NT5DC4: variants seen among roughly 807,000 people sequenced by gnomAD.
NT5DC4 encodes 5'-nucleotidase domain containing 4.
Under a neutral mutation model 26.6 loss-of-function variants are expected in NT5DC4, and 44 were observed. The observed-to-expected ratio is 1.65, with a 90% CI of 1.30 to 2.13. NT5DC4 has a LOEUF of 2.13. Ranked by LOEUF, NT5DC4 falls within the 30% of genes most tolerant of loss-of-function variation. The probability of loss-of-function intolerance (pLI) is 0.00; values close to 1 mark genes in which losing one functional copy is unlikely to be tolerated. For missense variants in NT5DC4, 399 were observed against 228.1 expected (o/e 1.75, Z -4.83); for synonymous variants, 157 against 86.7 (o/e 1.81, Z -4.51).
At chr2:112,722,162 C>T in intron 3 of NT5DC4, 21 bp from the exon 4 acceptor site, 1 of 581,722 alleles carries the variant, frequency 1.7e-6, no homozygotes, top group Non-Finnish European at 3.1e-6. Context: ...CCCACAGTGC[C>T]CCCCGACCCC....
intron 16 of NT5DC4, 116 bp from the exon 17 acceptor site, chr2:112,738,797 C>G (rs752907268): frequency 1.4e-6 from 2 of 1,474,932 alleles, no homozygotes; most frequent in Non-Finnish European, 1.9e-6. Flanking sequence ...TTCTGAAACA[C>G]CTTTTTTAAA....
downstream of NT5DC4, chr2:112,740,800 G>C (rs1358272934): frequency 1.3e-6 from 2 of 1,587,184 alleles, no homozygotes; most frequent in African/African-American, 2.7e-5. Context: ...CACAAAGTCT[G>C]CTTTAGAGTT....
chr2:112,734,968 G>A (rs760365729), intron 16 of NT5DC4, among the ~76,000 whole-genome samples: 1 of 151,790 alleles, frequency 6.6e-6, no homozygotes, highest in African/African-American at 2.4e-5. Flanking sequence ...GGGATTATAG[G>A]CGTGAGCCAC....
rs1677079583 is a variant in NT5DC4, at chr2:112,722,770, A to G, written c.526A>G (p.Asn176Asp). ...DFFSGCSRYT[N>D]CDTGYQHGNL... ...CTTCTCTGGCTGCTCCCGTTACACT[A>G]AGTGCGTCTTGTGCCCTGCCCAGCC... Residue 176 changes from asparagine (N) to aspartate (D), a missense_variant and splice_region_variant, in exon 6 of 17, where the codon AAT (asparagine) becomes GAT (aspartate). By Grantham distance (23) the Asn-to-Asp change is conservative. Coordinates refer to ENST00000688554, the MANE Select transcript of NT5DC4 (RefSeq NM_001393655.1). 1.4e-6 allele frequency: 1 copy of G among 717,528 alleles called. No individual in the cohort carries two copies. The highest frequency in any genetic ancestry group is 2.7e-5 in the East Asian group (1 of 37,258). The allele number at this position is 717,528 out of a possible 1,614,324, so 44.4% of individuals were successfully genotyped here.
At chr2:112,726,589 C>G in intron 14 of NT5DC4, 89 bp from the exon 15 acceptor site, 1 of 713,424 alleles carries the variant, frequency 1.4e-6, no homozygotes, top group Non-Finnish European at 2.6e-6. Flanking sequence ...GGTGTCCCCC[C>G]ACCCGACCCC....
At chr2:112,734,595 C>T (rs1467762938) in intron 16 of NT5DC4, among the ~76,000 whole-genome samples, 1 of 152,218 alleles carries the variant, frequency 6.6e-6, no homozygotes, top group Admixed American at 6.5e-5. Context: ...CCAAGTTTGG[C>T]TTTGCCAGGA....
chr2:112,727,947 G>C (rs1298045830), intron 15 of NT5DC4, among the ~76,000 whole-genome samples: 1 of 152,256 alleles, frequency 6.6e-6, no homozygotes, highest in Non-Finnish European at 1.5e-5. Flanking sequence ...TTCCGAGTGA[G>C]CTCAGCTCTC....
At chr2:112,719,979 TTTCTTTCTTTTTC>T (rs1294043695), upstream of NT5DC4, among the ~76,000 whole-genome samples, 26 of 125,672 alleles carry the variant, frequency 2.1e-4, no homozygotes, top group African/African-American at 7.4e-4. Flanking sequence ...TCTTTCTTTC[TTTCTTTCTTTTTC>T]TTTTCTTTTC....
At chr2:112,719,918 T>TTC (rs1173239544), upstream of NT5DC4, among the ~76,000 whole-genome samples, 63 of 105,002 alleles carry the variant, frequency 6.0e-4, no homozygotes, top group African/African-American at 2.3e-3. Flanking sequence ...CTTTCTTTCT[T>TTC]TCTTTCTCTT....
At chr2:112,719,978 C>CT (rs1245906652), upstream of NT5DC4, among the ~76,000 whole-genome samples, 130 of 81,666 alleles carry the variant, frequency 1.6e-3, 1 homozygote, top group African/African-American at 4.8e-3. Context: ...TTCTTTCTTT[C>CT]TTTCTTTCTT....
At chr2:112,732,096 AGAC>A (rs1436608820) in intron 16 of NT5DC4, among the ~76,000 whole-genome samples, 4 of 151,968 alleles carry the variant, frequency 2.6e-5, no homozygotes, top group Non-Finnish European at 5.9e-5. Flanking sequence ...TTTTTAGTAG[AGAC>A]AGGGTTTCAC....
At chr2:112,742,489 TG>T (rs1308250504), downstream of NT5DC4, 1 of 718,186 alleles carries the variant, frequency 1.4e-6, no homozygotes, top group African/African-American at 1.7e-5. Context: ...TAGGCTGTTT[TG>T]GTGGAAACAA....
chr2:112,742,182 C>G (rs1355331572), downstream of NT5DC4, among the ~76,000 whole-genome samples: 2 of 151,924 alleles, frequency 1.3e-5, no homozygotes, highest in Non-Finnish European at 1.5e-5. Flanking sequence ...TTTTTCTTTC[C>G]ATTCATATAA....
At chr2:112,739,124 CAAT>C (rs932025177), downstream of NT5DC4, 10 of 1,150,142 alleles carry the variant, frequency 8.7e-6, no homozygotes, top group African/African-American at 1.1e-4. Flanking sequence ...GTTTCTTATT[CAAT>C]AATAAAACAG....
chr2:112,725,098 G>A, intron 11 of NT5DC4, 76 bp from the exon 12 acceptor site: 1 of 672,000 alleles, frequency 1.5e-6, no homozygotes, highest in Non-Finnish European at 2.8e-6. Context: ...GCCACTCCCA[G>A]CTCCCTGCGA....
upstream of NT5DC4, among the ~76,000 whole-genome samples, chr2:112,720,148 C>T (rs894919162): frequency 1.9e-4 from 28 of 150,908 alleles, no homozygotes; most frequent in African/African-American, 5.9e-4. Context: ...TCAAGCAATT[C>T]TCCTGCCTCA....
At position 112,726,658 on chromosome 2, in the gene NT5DC4, C is replaced by G; in HGVS notation, c.1206-20C>G. The G allele has an allele frequency of 1.4e-6, 1 of 717,480 alleles. No individual in the cohort carries two copies. Among genetic ancestry groups the G allele is most frequent in the Non-Finnish European group, 2.6e-6 (1 of 385,080 alleles). 44.4% of individuals were successfully genotyped at this position (717,480 alleles called of 1,614,324 possible). ...GAGGCTCTGTGCCTCCCCTGGGTCA[C>G]CTAGCTATTTTTGTACCAGGCACAT... On this transcript the variant is annotated intron_variant, in intron 14 of 16. Coordinates refer to ENST00000688554, the MANE Select transcript of NT5DC4 (RefSeq NM_001393655.1).
chr2:112,728,336 A>T (rs1377236390), intron 15 of NT5DC4, among the ~76,000 whole-genome samples: 1 of 152,192 alleles, frequency 6.6e-6, no homozygotes, highest in Non-Finnish European at 1.5e-5. Context: ...GAAGGGGTGG[A>T]GGAGGCAGCA....
rs769419794 is a variant in NT5DC4, at chr2:112,726,252, C to G, written c.1168C>G (p.Leu390Val). 3.8e-5 allele frequency: 27 copies of G among 716,804 alleles called. 1 individual carries two copies. The highest frequency in any genetic ancestry group is 6.8e-5 in the Non-Finnish European group (26 of 384,904). The allele number at this position is 716,804 out of a possible 1,614,324, so 44.4% of individuals were successfully genotyped here. A position where few individuals can be genotyped will look rare whatever the true frequency, so the allele number is the denominator to read the frequency against. ...TGGCTTTTCAGAGCGGTTGGAGGAG[C>G]TGAAGAGACTGGACACGCACCTGGC... ...WAQEKERLEE[L>V]KRLDTHLADI... is the part of the protein sequence containing the mutation. Residue 390 changes from leucine (L) to valine (V), a missense_variant, in exon 14 of 17, where the codon CTG becomes GTG. By Grantham distance (32) the Leu-to-Val change is conservative. Transcript: ENST00000688554.
Sources: allele counts gnomAD v4.1 joint callset (sites outside exome capture counted in the v4.1 genomes callset), GRCh38; gene constraint gnomAD v4.1.1; transcripts MANE v1.5; gene names NCBI Gene and HGNC (gene_info 2026-07-23, HGNC 2026-07-21).